KREMEN1: variants seen among roughly 807,000 people sequenced by gnomAD.
KREMEN1 encodes kremen protein 1.
KREMEN1 carries 30 observed loss-of-function variants against 46.5 expected under a neutral mutation model. The ratio of observed to expected loss-of-function variants is 0.65; its 90% confidence interval spans 0.48 to 0.88. The LOEUF (loss-of-function observed/expected upper bound fraction) is 0.88, where lower values mean the gene tolerates loss of function less well. Ranked by LOEUF, KREMEN1 falls within the 40% of genes least tolerant of loss-of-function variation. The pLI is 0.00. For synonymous variants in KREMEN1, 214 were observed against 230.6 expected (o/e 0.93, Z 0.65); for missense variants, 533 against 596.9 (o/e 0.89, Z 1.11).
chr22:29,157,712 G>T (rs1042838385), intron 9 of KREMEN1, among the ~76,000 whole-genome samples: 3 of 152,194 alleles, frequency 2.0e-5, no homozygotes, highest in Non-Finnish European at 4.4e-5. Context: ...ACGGAGGCTG[G>T]TGGCAAGGAC....
intron 3 of KREMEN1, among the ~76,000 whole-genome samples, chr22:29,118,413 T>C (rs142818126): frequency 0.011 from 1,616 of 152,280 alleles, 26 homozygotes; most frequent in African/African-American, 0.037. Flanking sequence ...AGGGGGGATC[T>C]GTCTTAGGCA....
At position 29,141,261 on chromosome 22, in the gene KREMEN1, A is replaced by G. The variant is rs563220631; in HGVS notation, c.1209-683A>G. On this transcript the variant is annotated intron_variant, in intron 8 of 8. Transcript: ENST00000400335. ...TGTGTGTGTGTGTGTCTGCATGTGC[A>G]TGTGTGTGTGTGTGTGTCTGTGTCT... Among the ~76,000 whole-genome samples the G allele has an allele frequency of 5.5e-5, 8 of 146,558 alleles. No individual in the cohort carries two copies. In the South Asian group the frequency reaches 1.7e-3, roughly 32 times the overall value.
intron 5 of KREMEN1, among the ~76,000 whole-genome samples, chr22:29,125,915 G>A (rs983354756): frequency 2.0e-5 from 3 of 151,914 alleles, no homozygotes; most frequent in South Asian, 2.1e-4. Flanking sequence ...CTAAACTGCC[G>A]CATTTGTGAG....
chr22:29,134,733 C>T (rs2038629806), intron 5 of KREMEN1, among the ~76,000 whole-genome samples: 1 of 152,036 alleles, frequency 6.6e-6, no homozygotes, highest in Admixed American at 6.6e-5. Context: ...TCTATCACTA[C>T]CCTCAATGCA....
intron 9 of KREMEN1, among the ~76,000 whole-genome samples, chr22:29,157,462 C>T (rs181115705): frequency 3.9e-5 from 6 of 152,324 alleles, no homozygotes; most frequent in South Asian, 4.1e-4. Flanking sequence ...CTCAGCCTCC[C>T]GAATAGCTGG....
chr22:29,100,250 G>A (rs1367248069), intron 3 of KREMEN1, among the ~76,000 whole-genome samples: 1 of 152,036 alleles, frequency 6.6e-6, no homozygotes, highest in African/African-American at 2.4e-5. Context: ...CGAGTAGCTG[G>A]GATTACAGGC....
intron 9 of KREMEN1, among the ~76,000 whole-genome samples, chr22:29,162,839 A>G (rs2039023062): frequency 6.6e-6 from 1 of 152,248 alleles, no homozygotes; most frequent in African/African-American, 2.4e-5. Flanking sequence ...TCACAATAGC[A>G]AAGACAAGGA....
intron 5 of KREMEN1, among the ~76,000 whole-genome samples, chr22:29,126,502 T>C (rs1338907891): frequency 6.6e-6 from 1 of 152,090 alleles, no homozygotes; most frequent in Non-Finnish European, 1.5e-5. Context: ...CCTCTGTGTG[T>C]GTCTGTGTGT....
chr22:29,120,382 T>A (rs1447116135), intron 3 of KREMEN1, among the ~76,000 whole-genome samples: 1 of 108,962 alleles, frequency 9.2e-6, no homozygotes, highest in Admixed American at 1.1e-4. Context: ...GGAGAGGTGA[T>A]AATGGAAACA....
intron 3 of KREMEN1, among the ~76,000 whole-genome samples, chr22:29,108,575 T>A (rs1481541187): frequency 6.6e-6 from 1 of 152,230 alleles, no homozygotes; most frequent in African/African-American, 2.4e-5. Flanking sequence ...CAACAGGTAT[T>A]GTGATGGTAT....
chr22:29,163,257 C>T (rs6006036), intron 9 of KREMEN1, among the ~76,000 whole-genome samples: 9,688 of 152,214 alleles, frequency 0.064, 453 homozygotes, highest in Non-Finnish European at 0.086. Context: ...GAGGTGTCTG[C>T]TTCTCCTTTT....
intron 8 of KREMEN1, among the ~76,000 whole-genome samples, chr22:29,141,580 A>G (rs1385866705): frequency 6.6e-6 from 1 of 152,168 alleles, no homozygotes; most frequent in Non-Finnish European, 1.5e-5. Context: ...TTTTGTGTTT[A>G]TCTTGTTTTA....
chr22:29,123,115 G>C (rs1002224509), intron 4 of KREMEN1, among the ~76,000 whole-genome samples: 2 of 151,824 alleles, frequency 1.3e-5, no homozygotes, highest in African/African-American at 4.8e-5. Flanking sequence ...GACGATATAA[G>C]AGAAAATCTT....
rs553706264 is a variant in KREMEN1, at chr22:29,137,456, C to T, written c.746C>T (p.Pro249Leu). The T allele has an allele frequency of 3.1e-5, 50 of 1,605,126 alleles. No individual in the cohort carries two copies. Among genetic ancestry groups the T allele is most frequent in the Middle Eastern group, 1.7e-4 (1 of 6,032 alleles). Residue 249 changes from proline (P) to leucine (L), a missense_variant, in exon 6 of 9, where the codon CCG becomes CTG. Pro to Leu is a moderately conservative substitution (Grantham distance 98). Transcript: ENST00000400335. ...GTCTGCTACTGGACCATCCGGGTTC[C>T]GGGGGCCTCCCACATCCACTTCAGC... ...GRVCYWTIRV[P>L]GASHIHFSFP...
At chr22:29,151,892 C>T (rs921297774) in intron 9 of KREMEN1, among the ~76,000 whole-genome samples, 7 of 151,868 alleles carry the variant, frequency 4.6e-5, no homozygotes, top group African/African-American at 1.7e-4. Flanking sequence ...TGCCTGTAAT[C>T]CCAGCTACTC....
intron 1 of KREMEN1, among the ~76,000 whole-genome samples, chr22:29,091,057 T>A (rs1169350300): frequency 1.3e-5 from 2 of 152,282 alleles, no homozygotes; most frequent in East Asian, 3.9e-4. Context: ...CACCACAACC[T>A]CCGCCTCCTG....
At chr22:29,093,015 G>C (rs2037826795) in intron 1 of KREMEN1, among the ~76,000 whole-genome samples, 1 of 152,096 alleles carries the variant, frequency 6.6e-6, no homozygotes, top group Non-Finnish European at 1.5e-5. Flanking sequence ...AGGGTTTCTT[G>C]CATAGGTGGA....
rs2039060969 is a variant in KREMEN1, at chr22:29,167,277, T to C, written c.*171T>C. The C allele has an allele frequency of 3.3e-5, 20 of 608,266 alleles. No individual in the cohort carries two copies. The South Asian group carries it at 3.7e-4, about 11-fold the overall frequency. 37.7% of individuals were successfully genotyped at this position (608,266 alleles called of 1,614,324 possible). A position where few individuals can be genotyped will look rare whatever the true frequency, so the allele number is the denominator to read the frequency against. On this transcript the variant is annotated 3_prime_UTR_variant, in exon 10 of 10. Transcript: ENST00000327813. ...GGGAGGCTGAGATGGGAGGATTGCT[T>C]GAGCCCAGGAGGTCGAGGCTGCAGT...
In KREMEN1 at chr22:29,144,169, CTT is replaced by C; in HGVS notation, c.*2059_*2060del. On this transcript the variant is annotated 3_prime_UTR_variant, in exon 9 of 9. Transcript: ENST00000400335. ...TGCGCCTCTGGCTTTGGCGTTTCCT[CTT>C]TGCAGCACTTTGCCTACCTCCCCCA... 2.7e-5 allele frequency: 27 copies of C among 985,658 alleles called. No homozygotes were observed. Among genetic ancestry groups the C allele is most frequent in the Non-Finnish European group, 3.3e-5 (27 of 830,076 alleles). The allele number at this position is 985,658 out of a possible 1,614,324, so 61.1% of individuals were successfully genotyped here.
Sources: gnomAD v4.1 joint callset for allele counts (sites outside exome capture counted in the v4.1 genomes callset) on GRCh38, gnomAD v4.1.1 for gene constraint, MANE v1.5 for transcripts, NCBI Gene and HGNC (gene_info 2026-07-23, HGNC 2026-07-21) for gene names.